The following FRMD4A variants were observed in gnomAD, a reference collection of about 807,000 sequenced individuals.
The protein encoded by FRMD4A is FERM domain-containing protein 4A.
Under a neutral mutation model 129.1 loss-of-function variants are expected in FRMD4A, and 29 were observed. That is an observed-to-expected ratio of 0.22 (90% CI 0.17 to 0.31). The LOEUF (loss-of-function observed/expected upper bound fraction) is 0.31. FRMD4A is among the 10% of genes least tolerant of loss of function. The pLI, the probability that FRMD4A is intolerant of heterozygous loss-of-function variation, is 1.00. For synonymous variants in FRMD4A, 634 were observed against 571.6 expected (o/e 1.11, Z -1.56); for missense variants, 1,272 against 1,375.8 (o/e 0.92, Z 1.19).
Position 14,082,062 on chromosome 10 carries a change from A to T in FRMD4A, c.46-223150T>A, listed in dbSNP as rs545377300. The stretch of plus-strand genomic sequence containing the variant: ...AGAGATCGAGACCATTCTGGCTAAC[A>T]TGGTGAAACCCCATCTCTACTAAAA... On this transcript the variant is annotated intron_variant, in intron 2 of 24. Transcript: ENST00000357447. 2.5e-3 allele frequency among the ~76,000 whole-genome samples: 383 copies of T among 152,254 alleles called. 2 individuals carry two copies. The highest frequency in any genetic ancestry group is 8.5e-3 in the African/African-American group (353 of 41,546).
chr10:13,879,105 G>A (rs2446572), intron 2 of FRMD4A, among the ~76,000 whole-genome samples: 91,222 of 152,052 alleles, frequency 0.6, 27,658 homozygotes, highest in South Asian at 0.77. Context: ...ATAGTTTATT[G>A]TATGTCAATG....
At chr10:13,753,839 C>T (rs1414155454) in intron 8 of FRMD4A, among the ~76,000 whole-genome samples, 1 of 152,206 alleles carries the variant, frequency 6.6e-6, no homozygotes, top group Non-Finnish European at 1.5e-5. Context: ...GCCACAGTGT[C>T]TGGCAGTGCC....
At chr10:14,235,847 AG>A (rs34043097) in intron 2 of FRMD4A, among the ~76,000 whole-genome samples, 6,557 of 152,334 alleles carry the variant, frequency 0.043, 176 homozygotes, top group South Asian at 0.12. Flanking sequence ...AGTGCTGTAT[AG>A]AATTAAGCAC....
chr10:13,900,089 T>A (rs2094801935), intron 2 of FRMD4A, among the ~76,000 whole-genome samples: 9 of 152,200 alleles, frequency 5.9e-5, no homozygotes, highest in Admixed American at 5.9e-4. Context: ...ATTATATTTT[T>A]ATACCCAATC....
chr10:13,684,218 A>G, intron 15 of FRMD4A: 1 of 532,196 alleles, frequency 1.9e-6, no homozygotes. Context: ...AAGGATTTTC[A>G]TTGAACTAGT....
intron 2 of FRMD4A, among the ~76,000 whole-genome samples, chr10:14,210,265 A>G (rs1034773063): frequency 2.0e-5 from 3 of 152,156 alleles, no homozygotes; most frequent in Non-Finnish European, 4.4e-5. Context: ...CCATTTCACC[A>G]TGTGAGGATG....
intron 3 of FRMD4A, among the ~76,000 whole-genome samples, chr10:13,848,829 C>T (rs982545936): frequency 1.3e-5 from 2 of 152,168 alleles, no homozygotes; most frequent in East Asian, 1.9e-4. Flanking sequence ...TCCCTCCTTA[C>T]CAAGGGGGAA....
intron 8 of FRMD4A, among the ~76,000 whole-genome samples, chr10:13,752,296 A>C (rs995634846): frequency 2.6e-5 from 4 of 152,216 alleles, no homozygotes; most frequent in Admixed American, 1.3e-4. Context: ...ACTGGGGAAA[A>C]ACAAAGATTT....
chr10:14,045,804 A>T (rs7903452), intron 2 of FRMD4A, among the ~76,000 whole-genome samples: 3,715 of 145,720 alleles, frequency 0.025, 171 homozygotes, highest in African/African-American at 0.086. Context: ...ATATAATTAT[A>T]TAGAATAGAT....
chr10:13,942,340 C>T lies in FRMD4A; in HGVS notation c.46-83428G>A, dbSNP rs571147045. Among the ~76,000 whole-genome samples, 12 of 152,246 alleles carry T rather than the reference C, an allele frequency of 7.9e-5. No homozygotes were observed. In the South Asian group the frequency reaches 1.0e-3, roughly 13 times the overall value. Reference sequence around the variant, plus strand: ...GTACTGCCTGGGAGAGCAGCCAGGGCGAACCTGCAATGGGGGCTGAGCTCT... The same window carrying T: ...GTACTGCCTGGGAGAGCAGCCAGGGTGAACCTGCAATGGGGGCTGAGCTCT... On this transcript the variant is annotated intron_variant, in intron 2 of 24. Coordinates refer to ENST00000357447, the MANE Select transcript of FRMD4A (RefSeq NM_018027.5).
At chr10:14,091,385 A>G (rs1459974208) in intron 2 of FRMD4A, among the ~76,000 whole-genome samples, 3 of 151,964 alleles carry the variant, frequency 2.0e-5, no homozygotes, top group Non-Finnish European at 2.9e-5. Context: ...TTTTTTAAAG[A>G]GTGTCTTTTC....
rs79374901 is a variant in FRMD4A at position 13,680,962 on chromosome 10, A to G, written c.1118-5918T>C. ...GGGAAAGACACTGGATTTTCATCACATATCTGCCATTAAATGGTGTAACGC... is the reference window on the plus strand; with the variant it reads ...GGGAAAGACACTGGATTTTCATCACGTATCTGCCATTAAATGGTGTAACGC... On this transcript the variant is annotated intron_variant, in intron 15 of 24. Coordinates refer to ENST00000357447, the MANE Select transcript of FRMD4A (RefSeq NM_018027.5). Among the ~76,000 whole-genome samples, 1,386 of 152,216 alleles carry G rather than the reference A, an allele frequency of 9.1e-3. 27 individuals are homozygous for G. The highest frequency in any genetic ancestry group is 0.031 in the African/African-American group (1,287 of 41,532).
chr10:14,013,847 C>A (rs1477637406), intron 2 of FRMD4A, among the ~76,000 whole-genome samples: 2 of 152,238 alleles, frequency 1.3e-5, no homozygotes, highest in Non-Finnish European at 2.9e-5. Flanking sequence ...AGGAGAATCA[C>A]TTGAGCCTGG....
chr10:14,284,664 C>T (rs1845627158), intron 2 of FRMD4A, among the ~76,000 whole-genome samples: 3 of 152,072 alleles, frequency 2.0e-5, no homozygotes, highest in Admixed American at 2.0e-4. Context: ...AACAAACAAA[C>T]AAAAAATTGT....
At chr10:13,814,580 C>CAAAAAAAAAA (rs553044764) in intron 3 of FRMD4A, among the ~76,000 whole-genome samples, 31 of 41,394 alleles carry the variant, frequency 7.5e-4, no homozygotes, top group Non-Finnish European at 9.6e-4. Context: ...GACCCTGTTT[C>CAAAAAAAAAA]AAAAAAAAAA....
At chr10:14,162,119 A>AT (rs974878072) in intron 2 of FRMD4A, among the ~76,000 whole-genome samples, 9 of 152,024 alleles carry the variant, frequency 5.9e-5, no homozygotes, top group Admixed American at 1.3e-4. Context: ...ATATATACAT[A>AT]TTTTTTGTAT....
At chr10:14,285,206 C>A (rs1281764863) in intron 2 of FRMD4A, among the ~76,000 whole-genome samples, 1 of 152,216 alleles carries the variant, frequency 6.6e-6, no homozygotes, top group Non-Finnish European at 1.5e-5. Flanking sequence ...GAGGGTCAGA[C>A]AAGCAAAGCA....
intron 2 of FRMD4A, among the ~76,000 whole-genome samples, chr10:14,193,053 T>C (rs1200257967): frequency 6.6e-6 from 1 of 152,256 alleles, no homozygotes; most frequent in Non-Finnish European, 1.5e-5. Context: ...TCAAGTTAAA[T>C]ACTGTTTTCA....
chr10:14,010,624 C>T (rs1327577468), intron 2 of FRMD4A, among the ~76,000 whole-genome samples: 2 of 136,868 alleles, frequency 1.5e-5, no homozygotes, highest in Non-Finnish European at 3.1e-5. Flanking sequence ...CCATGGGTGT[C>T]GGAGACTTAC....
Sources: gnomAD v4.1 joint callset for allele counts (sites outside exome capture counted in the v4.1 genomes callset) on GRCh38, gnomAD v4.1.1 for gene constraint, MANE v1.5 for transcripts, NCBI Gene and HGNC (gene_info 2026-07-23, HGNC 2026-07-21) for gene names.